The following SMC5 variants were observed in gnomAD, a reference collection of about 807,000 sequenced individuals.
The protein encoded by SMC5 is structural maintenance of chromosomes protein 5.
SMC5 carries 88 observed loss-of-function variants against 148.3 expected under a neutral mutation model. That is an observed-to-expected ratio of 0.59 (90% CI 0.50 to 0.71). The LOEUF (loss-of-function observed/expected upper bound fraction) is 0.71. Among genes scored for constraint, SMC5 ranks in the 30% least tolerant of loss-of-function variants. The probability of loss-of-function intolerance (pLI) is 0.00; values close to 1 mark genes in which losing one functional copy is unlikely to be tolerated. For missense variants in SMC5, 1,142 were observed against 1,298.9 expected (o/e 0.88, Z 1.86); for synonymous variants, 421 against 432.8 (o/e 0.97, Z 0.34).
In SMC5 at chr9:70,291,016, A is replaced by T. The variant is rs141346561; in HGVS notation, c.1053+4745A>T. Among the ~76,000 whole-genome samples, 170 of 152,326 alleles carry T rather than the reference A, an allele frequency of 1.1e-3. 1 individual carries two copies. Among genetic ancestry groups the T allele is most frequent in the African/African-American group, 4.0e-3 (167 of 41,572 alleles). The stretch of plus-strand genomic sequence containing the variant: ...AGTTTTTGTTGAAACTGAACAGTTT[A>T]AGTAACATACTCTAGCAACTCTGGA... On this transcript the variant is annotated intron_variant, in intron 8 of 24. Transcript: ENST00000361138.
chr9:70,286,991 G>A (rs1180125), intron 8 of SMC5, among the ~76,000 whole-genome samples: 32,745 of 152,044 alleles, frequency 0.22, 3,662 homozygotes, highest in South Asian at 0.28. Context: ...TGCTGGGATT[G>A]CAGGCATGAG....
In SMC5 at chr9:70,348,010, G is replaced by T; in HGVS notation, c.2861G>T (p.Gly954Val). Residue 954 changes from glycine (G) to valine (V), a missense_variant, in exon 22 of 25, where the codon GGT (glycine) becomes GTT (valine). Gly to Val is a moderately radical substitution (Grantham distance 109, BLOSUM62 -3). Coordinates refer to ENST00000361138, the MANE Select transcript of SMC5 (RefSeq NM_015110.4). ...TTTTTTAGTTCCATGCAGTGTGCTG[G>T]TGAAGTTGATCTCCATACAGAAAAT... is the stretch of plus-strand genomic sequence containing the variant. ...SNFFSSMQCAGEVDLHTENEE... is the reference protein window; with the variant it reads ...SNFFSSMQCAVEVDLHTENEE... 6.3e-7 allele frequency: 1 copy of T among 1,595,680 alleles called. No homozygotes were observed. The highest frequency in any genetic ancestry group is 1.8e-5 in the Admixed American group (1 of 55,448).
rs116117325 is a variant in SMC5, at chr9:70,298,125, A to C, written c.1213A>C (p.Asn405His). Residue 405 changes from asparagine to histidine, a missense_variant, in exon 9 of 25, where the codon AAT (asparagine) becomes CAT (histidine). Asn to His is a moderately conservative substitution (Grantham distance 68). Coordinates refer to ENST00000361138, the MANE Select transcript of SMC5 (RefSeq NM_015110.4). ...NLQPQIDAITNDLRRIQDEKA... is the reference protein window; with the variant it reads ...NLQPQIDAITHDLRRIQDEKA... ...TCAGCCCCAGATTGATGCCATTACAAATGATCTGAGACGGATTCAGGATGA... is the reference window on the plus strand; with the variant it reads ...TCAGCCCCAGATTGATGCCATTACACATGATCTGAGACGGATTCAGGATGA... 6.2e-7 allele frequency: 1 copy of C among 1,613,980 alleles called. No individual in the cohort carries two copies. The highest frequency in any genetic ancestry group is 1.3e-5 in the African/African-American group (1 of 74,930).
At chr9:70,293,382 A>C (rs1303842970) in intron 8 of SMC5, among the ~76,000 whole-genome samples, 2 of 137,130 alleles carry the variant, frequency 1.5e-5, no homozygotes, top group African/African-American at 5.5e-5. Context: ...AAGATTTTCT[A>C]ATTTTATTGA....
In SMC5 at chr9:70,324,072, A is replaced by G. The variant is rs1564060326; in HGVS notation, c.2326A>G (p.Thr776Ala). The G allele has an allele frequency of 6.9e-6, 11 of 1,599,962 alleles. No individual in the cohort carries two copies. Among genetic ancestry groups the G allele is most frequent in the Non-Finnish European group, 9.3e-6 (11 of 1,176,474 alleles). Residue 776 changes from threonine (T) to alanine (A), a missense_variant, in exon 17 of 25, where the codon ACA (threonine) becomes GCA (alanine). Physicochemically the swap from Thr to Ala is moderately conservative, Grantham distance 58. Coordinates refer to ENST00000361138, the MANE Select transcript of SMC5 (RefSeq NM_015110.4). The part of the protein sequence containing the change: ...QKVDLILQNT[T>A]VISEKNKLES... ...AGTAGATTTAATTCTCCAAAATACTACAGTGATCTCTGAGAAGAACAAATT... is the reference window on the plus strand; with the variant it reads ...AGTAGATTTAATTCTCCAAAATACTGCAGTGATCTCTGAGAAGAACAAATT...
At chr9:70,346,734 A>G in intron 19 of SMC5, 85 bp downstream of exon 19, 2 of 1,391,520 alleles carry the variant, frequency 1.4e-6, no homozygotes, top group Non-Finnish European at 2.0e-6. Flanking sequence ...AGGCCCGGAG[A>G]TGAATTCTAG....
chr9:70,340,461 G>T (rs1479216212), intron 17 of SMC5, among the ~76,000 whole-genome samples: 1 of 151,818 alleles, frequency 6.6e-6, no homozygotes, highest in Non-Finnish European at 1.5e-5. Context: ...ATTTAAAGTT[G>T]ACTTTCTAAA....
At chr9:70,264,172 A>G (rs1239049164) in intron 1 of SMC5, 132 bp from the exon 2 acceptor site, 1 of 699,034 alleles carries the variant, frequency 1.4e-6, no homozygotes, top group African/African-American at 1.8e-5. Context: ...TTTATTAAAA[A>G]CCTATAAAAA....
At chr9:70,268,650 A>G (rs1030780609) in intron 3 of SMC5, among the ~76,000 whole-genome samples, 5 of 149,892 alleles carry the variant, frequency 3.3e-5, no homozygotes, top group Non-Finnish European at 5.9e-5. Context: ...GCTTGTCTTT[A>G]AAAAACGCAA....
At chr9:70,286,937 G>C (rs989430013) in intron 8 of SMC5, among the ~76,000 whole-genome samples, 1 of 152,054 alleles carries the variant, frequency 6.6e-6, no homozygotes, top group African/African-American at 2.4e-5. Flanking sequence ...GGTTGGCCTC[G>C]AACGCCTGAG....
chr9:70,295,548 G>A (rs941851778), intron 8 of SMC5, among the ~76,000 whole-genome samples: 1 of 151,970 alleles, frequency 6.6e-6, no homozygotes, highest in Non-Finnish European at 1.5e-5. Context: ...CAGTATCCTA[G>A]TGAAGGTAGG....
intron 10 of SMC5, among the ~76,000 whole-genome samples, chr9:70,301,732 C>A (rs528626966): frequency 6.6e-6 from 1 of 152,050 alleles, no homozygotes; most frequent in Admixed American, 6.6e-5. Context: ...TACTTTATAT[C>A]TTTATAATGG....
chr9:70,306,258 ATT>A (rs2035493958), intron 11 of SMC5, among the ~76,000 whole-genome samples: 1 of 152,120 alleles, frequency 6.6e-6, no homozygotes, highest in African/African-American at 2.4e-5. Context: ...TGTTTAAAGA[ATT>A]TTTTTAATTG....
chr9:70,341,081 G>A (rs777126442), intron 17 of SMC5, among the ~76,000 whole-genome samples: 94 of 152,046 alleles, frequency 6.2e-4, no homozygotes, highest in Non-Finnish European at 1.1e-3. Flanking sequence ...TGACTTTACA[G>A]CATTATCTGA....
chr9:70,309,318 C>CTGTTTTTT (rs2035594365), intron 11 of SMC5, among the ~76,000 whole-genome samples: 1 of 79,180 alleles, frequency 1.3e-5, no homozygotes, highest in Non-Finnish European at 2.3e-5. Flanking sequence ...TTTCCTTTTC[C>CTGTTTTTT]TTTTTTTTTT....
At chr9:70,339,803 A>T (rs544177007) in intron 17 of SMC5, among the ~76,000 whole-genome samples, 8 of 152,280 alleles carry the variant, frequency 5.3e-5, no homozygotes, top group African/African-American at 1.9e-4. Flanking sequence ...TGGAAGGTAA[A>T]TAGGGCAACA....
rs2034001769 is a variant in SMC5 at position 70,258,996 on chromosome 9, GC to G, written c.-82del. 1.4e-6 allele frequency: 2 copies of G among 1,439,098 alleles called. No individual in the cohort carries two copies. Among genetic ancestry groups the G allele is most frequent in the South Asian group, 2.9e-5 (2 of 68,728 alleles). 89.1% of individuals were successfully genotyped at this position (1,439,098 alleles called of 1,614,324 possible). ...TCGCGGCAGTTCGCGCGGGAGCGGG[GC>G]GCCTGGGTGGATGGGCGCTTGGGCG... is the stretch of plus-strand genomic sequence containing the variant. On this transcript the variant is annotated 5_prime_UTR_variant, in exon 1 of 25. Transcript: ENST00000361138.
intron 8 of SMC5, among the ~76,000 whole-genome samples, chr9:70,290,720 T>C (rs1001761492): frequency 6.6e-6 from 1 of 152,168 alleles, no homozygotes; most frequent in Non-Finnish European, 1.5e-5. Context: ...ATCGCTGTTT[T>C]AATCCTTTTC....
chr9:70,288,516 A>AT (rs1441626157), intron 8 of SMC5, among the ~76,000 whole-genome samples: 1 of 151,726 alleles, frequency 6.6e-6, no homozygotes, highest in Non-Finnish European at 1.5e-5. Flanking sequence ...TGCTTTGAGT[A>AT]TTTTTTAACG....
Sources: gnomAD v4.1 joint callset for allele counts (sites outside exome capture counted in the v4.1 genomes callset) on GRCh38, gnomAD v4.1.1 for gene constraint, MANE v1.5 for transcripts, NCBI Gene and HGNC (gene_info 2026-07-23, HGNC 2026-07-21) for gene names.